ERC1: variants seen among roughly 807,000 people sequenced by gnomAD.
ERC1 encodes the protein RAB6 interacting protein 2.
A neutral mutation model predicts 132.0 loss-of-function variants in ERC1; 56 were observed. That is an observed-to-expected ratio of 0.42 (90% CI 0.34 to 0.53). The LOEUF is 0.53. Ranked by LOEUF, ERC1 falls within the 20% of genes least tolerant of loss-of-function variation. The probability of loss-of-function intolerance (pLI) is 0.03; values close to 1 mark genes in which losing one functional copy is unlikely to be tolerated. For synonymous variants in ERC1, 478 were observed against 476.1 expected (o/e 1.00, Z -0.05); for missense variants, 1,202 against 1,349.9 (o/e 0.89, Z 1.72).
At chr12:1,226,799 C>G (rs143587712) in intron 12 of ERC1, among the ~76,000 whole-genome samples, 1 of 152,298 alleles carries the variant, frequency 6.6e-6, no homozygotes, top group East Asian at 1.9e-4. Context: ...GCCTCAGCCT[C>G]TTGAGTAGCT....
chr12:1,288,867 T>A (rs2154339565), intron 14 of ERC1, among the ~76,000 whole-genome samples: 1 of 152,294 alleles, frequency 6.6e-6, no homozygotes, highest in South Asian at 2.1e-4. Context: ...AACAAGTTTA[T>A]TTAAATAATT....
At chr12:1,422,569 A>G (rs979096010) in intron 17 of ERC1, among the ~76,000 whole-genome samples, 3 of 152,064 alleles carry the variant, frequency 2.0e-5, no homozygotes, top group African/African-American at 7.2e-5. Flanking sequence ...TGCATTGTAT[A>G]GATATTTGCC....
At chr12:1,156,790 T>C (rs952455908) in intron 8 of ERC1, among the ~76,000 whole-genome samples, 3 of 152,190 alleles carry the variant, frequency 2.0e-5, no homozygotes, top group African/African-American at 4.8e-5. Flanking sequence ...TGAGTTCTCA[T>C]TGAGCATTTT....
rs35596394 is a variant in ERC1, at chr12:1,483,668, C to CTTTTTTT, written c.3214-6393_3214-6387dup. Among the ~76,000 whole-genome samples, 107 of 55,220 alleles carry CTTTTTTT rather than the reference C, an allele frequency of 1.9e-3. 34 individuals are homozygous for CTTTTTTT. The highest frequency in any genetic ancestry group is 2.7e-3 in the Non-Finnish European group (77 of 28,118). 36.2% of individuals were successfully genotyped at this position (55,220 alleles called of 152,430 possible). On this transcript the variant is annotated intron_variant, in intron 18 of 18. Coordinates refer to ENST00000360905, the MANE Select transcript of ERC1 (RefSeq NM_178040.4). ...CAAAACTCCTTCCAGCCACTGAGAG[C>CTTTTTTT]TTTTTTTTTTTTTTTTTTTTTTTTT...
chr12:1,123,429 A>T (rs7316815), intron 7 of ERC1, among the ~76,000 whole-genome samples: 2,018 of 152,038 alleles, frequency 0.013, 60 homozygotes, highest in African/African-American at 0.046. Flanking sequence ...TGAAAATATA[A>T]ATCTCAGTTG....
At chr12:1,293,497 CGT>C (rs1306566590) in intron 15 of ERC1, among the ~76,000 whole-genome samples, 1 of 119,430 alleles carries the variant, frequency 8.4e-6, no homozygotes, top group African/African-American at 3.0e-5. Context: ...GGCGTGGTGG[CGT>C]GCGCCTGTAA....
At chr12:1,475,029 A>T (rs753834458) in intron 18 of ERC1, among the ~76,000 whole-genome samples, 6 of 152,252 alleles carry the variant, frequency 3.9e-5, no homozygotes, top group Non-Finnish European at 8.8e-5. Flanking sequence ...TGGAACAGCT[A>T]CTAAGAACAG....
chr12:1,461,273 C>A (rs1418319874), intron 18 of ERC1, among the ~76,000 whole-genome samples: 1 of 152,032 alleles, frequency 6.6e-6, no homozygotes, highest in Non-Finnish European at 1.5e-5. Flanking sequence ...ACATGTATAA[C>A]CTGTATGTTG....
chr12:1,356,479 A>T (rs903602043), intron 15 of ERC1, among the ~76,000 whole-genome samples: 3 of 152,062 alleles, frequency 2.0e-5, no homozygotes, highest in African/African-American at 4.8e-5. Flanking sequence ...GAGAAGTAGG[A>T]TGTGTGACTC....
At chr12:1,095,513 G>T (rs1943910961) in intron 3 of ERC1, among the ~76,000 whole-genome samples, 1 of 151,914 alleles carries the variant, frequency 6.6e-6, no homozygotes, top group Admixed American at 6.6e-5. Flanking sequence ...TACCACATTT[G>T]AAAGTATATT....
chr12:1,290,142 ACT>A (rs2079338767), intron 15 of ERC1, 130 bp downstream of exon 15: 1 of 737,022 alleles, frequency 1.4e-6, no homozygotes, highest in East Asian at 2.7e-5. Flanking sequence ...TGTATTTCTC[ACT>A]CTCTAGAATA....
chr12:1,068,809 CTG>C (rs1270599878), intron 2 of ERC1, among the ~76,000 whole-genome samples: 6 of 152,144 alleles, frequency 3.9e-5, no homozygotes, highest in Non-Finnish European at 7.4e-5. Context: ...CCTTCTTACA[CTG>C]TGTTCTCATT....
chr12:1,440,600 TTGTGTGTGTGTGTGTG>T (rs56749397), intron 17 of ERC1, among the ~76,000 whole-genome samples: 2,799 of 51,084 alleles, frequency 0.055, 122 homozygotes, highest in Middle Eastern at 0.08. Context: ...CCTCAGCCTT[TTGTGTGTGTGTGTGTG>T]TGTGTGTGTG....
At chr12:1,258,074 A>G (rs1188827963) in intron 13 of ERC1, among the ~76,000 whole-genome samples, 3 of 152,130 alleles carry the variant, frequency 2.0e-5, no homozygotes, top group Non-Finnish European at 4.4e-5. Flanking sequence ...AAAGAAGAAT[A>G]TTTTCTTCTA....
chr12:1,197,037 A>G (rs1348304944), intron 12 of ERC1, among the ~76,000 whole-genome samples: 8 of 141,286 alleles, frequency 5.7e-5, no homozygotes, highest in Non-Finnish European at 1.1e-4. Context: ...CTGGAGTGCA[A>G]TGGTATGATC....
chr12:1,248,745 G>A (rs2154313295), intron 13 of ERC1, among the ~76,000 whole-genome samples: 1 of 152,306 alleles, frequency 6.6e-6, no homozygotes, highest in Non-Finnish European at 1.5e-5. Flanking sequence ...TTTGCTCACT[G>A]TTTCATACCT....
chr12:1,053,800 T>C (rs1972459623), intron 2 of ERC1, among the ~76,000 whole-genome samples: 1 of 152,164 alleles, frequency 6.6e-6, no homozygotes, highest in Non-Finnish European at 1.5e-5. Flanking sequence ...GCTCATATAA[T>C]ATATGCAGGT....
At chr12:998,780 C>T (rs1269627239) in intron 1 of ERC1, among the ~76,000 whole-genome samples, 2 of 151,916 alleles carry the variant, frequency 1.3e-5, no homozygotes, top group Non-Finnish European at 2.9e-5. Flanking sequence ...CTTTGTAAAG[C>T]TCTCTCTTCT....
At chr12:1,448,348 C>G (rs1317635028) in intron 18 of ERC1, among the ~76,000 whole-genome samples, 3 of 152,170 alleles carry the variant, frequency 2.0e-5, no homozygotes, top group African/African-American at 7.2e-5. Context: ...ACTAACAACC[C>G]CTACTATAAG....
Sources: allele counts gnomAD v4.1 joint callset (sites outside exome capture counted in the v4.1 genomes callset), GRCh38; gene constraint gnomAD v4.1.1; transcripts MANE v1.5; gene names NCBI Gene and HGNC (gene_info 2026-07-23, HGNC 2026-07-21).